RNF220: variants seen among roughly 807,000 people sequenced by gnomAD.
RNF220 encodes E3 ubiquitin-protein ligase RNF220.
Under a neutral mutation model 67.1 loss-of-function variants are expected in RNF220, and 7 were observed. The observed-to-expected ratio is 0.10, with a 90% CI of 0.06 to 0.20. The LOEUF is 0.20. Among genes scored for constraint, RNF220 ranks in the 10% least tolerant of loss-of-function variants. RNF220 has a pLI of 1.00. For missense variants in RNF220, 565 were observed against 740.3 expected (o/e 0.76, Z 2.75); for synonymous variants, 270 against 283.2 (o/e 0.95, Z 0.47).
chr1:44,444,876 G>A (rs1024637954), intron 2 of RNF220, among the ~76,000 whole-genome samples: 7 of 152,168 alleles, frequency 4.6e-5, no homozygotes, highest in Non-Finnish European at 7.4e-5. Flanking sequence ...CCTGAGGGTA[G>A]AGACCCAAGA....
intron 2 of RNF220, among the ~76,000 whole-genome samples, chr1:44,504,592 A>G (rs893169327): frequency 5.3e-5 from 8 of 152,126 alleles, no homozygotes; most frequent in Admixed American, 5.2e-4. Context: ...GTGGGCGGGT[A>G]TAATGAAAGG....
At chr1:44,413,376 C>T (rs1022404523) in intron 2 of RNF220, among the ~76,000 whole-genome samples, 7 of 152,230 alleles carry the variant, frequency 4.6e-5, no homozygotes, top group African/African-American at 1.7e-4. Flanking sequence ...TAGGACTAGA[C>T]ACGGTTGACC....
At chr1:44,562,647 T>C (rs1572890253) in intron 2 of RNF220, among the ~76,000 whole-genome samples, 1 of 151,956 alleles carries the variant, frequency 6.6e-6, no homozygotes, top group African/African-American at 2.4e-5. Flanking sequence ...TAAGTCGGGG[T>C]TGGGGGGTTG....
chr1:44,531,035 A>G (rs1660795625), intron 2 of RNF220, among the ~76,000 whole-genome samples: 1 of 152,232 alleles, frequency 6.6e-6, no homozygotes. Flanking sequence ...GATTTTGGAC[A>G]TTAGAGATTT....
At chr1:44,646,853 C>T (rs150354261) in intron 12 of RNF220, among the ~76,000 whole-genome samples, 77 of 152,250 alleles carry the variant, frequency 5.1e-4, no homozygotes, top group East Asian at 3.7e-3. Flanking sequence ...CATCAGTCCC[C>T]GTGATTTCTC....
chr1:44,585,783 A>C (rs1172432924), intron 2 of RNF220, among the ~76,000 whole-genome samples: 1 of 152,210 alleles, frequency 6.6e-6, no homozygotes. Flanking sequence ...TCTCATCTCT[A>C]AAATGGGATA....
intron 2 of RNF220, among the ~76,000 whole-genome samples, chr1:44,469,554 GTATAT>G (rs1654609237): frequency 6.9e-6 from 1 of 144,652 alleles, no homozygotes; most frequent in African/African-American, 2.5e-5. Flanking sequence ...AAGTTTATTG[GTATAT>G]TATTCATTCA....
rs1643890007 is a variant in RNF220, at chr1:44,624,712, T to C, written c.805-1585T>C. ...GGAGGAGGAGAGGGCGAGGGGGCCT[T>C]AGACAAGATTGATGGCCTCGTTGCC... On this transcript the variant is annotated intron_variant, in intron 4 of 14. Transcript: ENST00000361799. This position sits in a 1 kb window ranked among gnomAD's most constrained non-coding sequence, Gnocchi z 4.2. Among the ~76,000 whole-genome samples, 3 of 152,144 alleles carry C rather than the reference T, an allele frequency of 2.0e-5. No individual in the cohort carries two copies. Among genetic ancestry groups the C allele is most frequent in the African/African-American group, 7.2e-5 (3 of 41,496 alleles).
chr1:44,434,241 G>A (rs1311709736), intron 2 of RNF220, among the ~76,000 whole-genome samples: 1 of 152,098 alleles, frequency 6.6e-6, no homozygotes, highest in Non-Finnish European at 1.5e-5. Flanking sequence ...GAGAGAGAAG[G>A]CCTGAGGGCT....
intron 1 of RNF220, among the ~76,000 whole-genome samples, chr1:44,409,113 C>T (rs1647706450): frequency 2.0e-5 from 3 of 152,238 alleles, no homozygotes; most frequent in African/African-American, 4.8e-5. Flanking sequence ...TGTTTAACCA[C>T]GCAATTAGTA....
chr1:44,414,564 AG>A (rs1311221813), intron 2 of RNF220, among the ~76,000 whole-genome samples: 1 of 152,156 alleles, frequency 6.6e-6, no homozygotes, highest in African/African-American at 2.4e-5. Context: ...TGAGTGTCAA[AG>A]CCATAACTCT....
intron 2 of RNF220, among the ~76,000 whole-genome samples, chr1:44,595,985 C>T (rs2148384274): frequency 6.6e-6 from 1 of 152,152 alleles, no homozygotes; most frequent in Non-Finnish European, 1.5e-5. Flanking sequence ...AGGATGGTCT[C>T]GATCTCCTGA....
At chr1:44,506,458 G>A (rs902229504) in intron 2 of RNF220, among the ~76,000 whole-genome samples, 3 of 152,256 alleles carry the variant, frequency 2.0e-5, no homozygotes, top group Non-Finnish European at 4.4e-5. Context: ...AGTGGAGTGA[G>A]GGCAGGGGTG....
chr1:44,518,104 AAAAAT>A (rs1257907321), intron 2 of RNF220, among the ~76,000 whole-genome samples: 2 of 151,962 alleles, frequency 1.3e-5, no homozygotes, highest in Non-Finnish European at 2.9e-5. Flanking sequence ...GACTCCGTCT[AAAAAT>A]AAAATAAAAT....
chr1:44,565,316 G>A lies in RNF220; in HGVS notation c.626-48849G>A, dbSNP rs116433170. On this transcript the variant is annotated intron_variant, in intron 2 of 14. Transcript: ENST00000361799. The surrounding 1 kb of genome is among the most constrained non-coding windows in gnomAD (Gnocchi z 4.2). Reference sequence around the variant, plus strand: ...GAGGGAGGGAGGGAGGGAAGAAGGAGGCAGTGAGAGGTCAGAAAGGCAGAG... The same window carrying A: ...GAGGGAGGGAGGGAGGGAAGAAGGAAGCAGTGAGAGGTCAGAAAGGCAGAG... Among the ~76,000 whole-genome samples, 4 of 152,200 alleles carry A rather than the reference G, an allele frequency of 2.6e-5. No homozygotes were observed. The highest frequency in any genetic ancestry group is 5.9e-5 in the Non-Finnish European group (4 of 68,024).
chr1:44,412,551 C>A lies in RNF220; in HGVS notation c.454C>A (p.His152Asn). The change falls in exon 2 of 15, where the codon CAC (histidine) becomes AAC (asparagine). Residue 152 changes from histidine (H) to asparagine (N), a missense_variant. Transcript: ENST00000361799. The surrounding 1 kb of genome is among the most constrained non-coding windows in gnomAD (Gnocchi z 5.3). ...GAACTGCCATGACACAGAGTCTCCCCACTTGCGCTTCTCAGATGCAGATGG... is the reference window on the plus strand; with the variant it reads ...GAACTGCCATGACACAGAGTCTCCCAACTTGCGCTTCTCAGATGCAGATGG... ...LKNCHDTESP[H>N]LRFSDADGKE... 1.2e-6 allele frequency: 2 copies of A among 1,614,184 alleles called. No homozygotes were observed. The highest frequency in any genetic ancestry group is 1.7e-6 in the Non-Finnish European group (2 of 1,180,030).
At position 44,621,892 on chromosome 1, in the gene RNF220, ATG is replaced by A. The variant is rs35521644; in HGVS notation, c.759-835_759-834del. Among the ~76,000 whole-genome samples the A allele has an allele frequency of 8.6e-5, 13 of 151,130 alleles. No individual in the cohort carries two copies. Among genetic ancestry groups the A allele is most frequent in the Non-Finnish European group, 1.6e-4 (11 of 67,612 alleles). On this transcript the variant is annotated intron_variant, in intron 3 of 14. Transcript: ENST00000361799. This position sits in a 1 kb window ranked among gnomAD's most constrained non-coding sequence, Gnocchi z 4.8. ...TTCATCAGCCAGCACTTCTGTGAGCATGTGTGTGTGTGTGTGAGTGCACGCGC... is the reference window on the plus strand; with the variant it reads ...TTCATCAGCCAGCACTTCTGTGAGCATGTGTGTGTGTGTGAGTGCACGCGC...
rs56375404 is a variant in RNF220, at chr1:44,597,468, GCACACACACACACACACA to G, written c.626-16671_626-16654del. On this transcript the variant is annotated intron_variant, in intron 2 of 14. Coordinates refer to ENST00000361799, the MANE Select transcript of RNF220 (RefSeq NM_018150.4). The stretch of plus-strand genomic sequence containing the variant: ...ACGCCCTTCTCTCTCTCTCTCTCAT[GCACACACACACACACACA>G]CACACACACACACACACACACACAC... 2.9e-4 allele frequency among the ~76,000 whole-genome samples: 40 copies of G among 135,744 alleles called. 1 individual carries two copies. Among genetic ancestry groups the G allele is most frequent in the African/African-American group, 8.0e-4 (29 of 36,186 alleles). 89.1% of individuals were successfully genotyped at this position (135,744 alleles called of 152,430 possible).
chr1:44,511,079 C>T (rs942769514), intron 2 of RNF220, among the ~76,000 whole-genome samples: 4 of 152,194 alleles, frequency 2.6e-5, no homozygotes, highest in African/African-American at 9.7e-5. Flanking sequence ...CAGCCCACTT[C>T]AGCTTTCTCC....
Sources: allele counts gnomAD v4.1 joint callset (sites outside exome capture counted in the v4.1 genomes callset), GRCh38; gene constraint gnomAD v4.1.1; non-coding constraint Gnocchi (gnomAD v3.1); transcripts MANE v1.5; gene names NCBI Gene and HGNC (gene_info 2026-07-23, HGNC 2026-07-21).